Variants in ATP7A observed in about 807,000 individuals in gnomAD.
ATP7A encodes the protein copper-transporting ATPase 1.
A neutral mutation model predicts 83.5 loss-of-function variants in ATP7A; 7 were observed. That is an observed-to-expected ratio of 0.08 (90% CI 0.05 to 0.16). The LOEUF (loss-of-function observed/expected upper bound fraction) is 0.16. ATP7A is among the 10% of genes least tolerant of loss of function. The probability of loss-of-function intolerance (pLI) is 1.00; values close to 1 mark genes in which losing one functional copy is unlikely to be tolerated. For missense variants in ATP7A, 940 were observed against 1,120.8 expected (o/e 0.84, Z 2.30); for synonymous variants, 354 against 395.2 (o/e 0.90, Z 1.24).
chrX:78,011,325 T>C, intron 8 of ATP7A, 73 bp downstream of exon 8: 1 of 1,091,077 alleles, frequency 9.2e-7, no homozygotes, highest in Non-Finnish European at 1.3e-6. Flanking sequence ...CATGTCAGTT[T>C]TTATAATATC....
rs781917431 is a variant in ATP7A, at chrX:77,925,215, A to G, written c.-22+14380A>G. Among the ~76,000 whole-genome samples, 3 of 112,284 alleles carry G rather than the reference A, an allele frequency of 2.7e-5. No homozygotes were observed. In the South Asian group the frequency reaches 1.1e-3, roughly 41 times the overall value. On this transcript the variant is annotated intron_variant, in intron 1 of 22. Coordinates refer to ENST00000341514, the MANE Select transcript of ATP7A (RefSeq NM_000052.7). ...TACTACTTTATAATCATACCATATA[A>G]ATATTTCAGCTATAAAAATTAATGC...
chrX:77,946,454 T>C (rs1421100178), intron 1 of ATP7A, among the ~76,000 whole-genome samples: 11 of 111,045 alleles, frequency 9.9e-5, no homozygotes, highest in Admixed American at 2.9e-4. Flanking sequence ...CCTATTAAGC[T>C]GATTGTTCAT....
chrX:77,931,566 C>A (rs1266320299), intron 1 of ATP7A, among the ~76,000 whole-genome samples: 20 of 112,207 alleles, frequency 1.8e-4, no homozygotes, highest in African/African-American at 6.1e-4. Flanking sequence ...GGCAGAGGGG[C>A]TCCTCACATC....
chrX:77,968,871 C>T, intron 1 of ATP7A: 4 of 1,210,528 alleles, frequency 3.3e-6, no homozygotes, highest in Non-Finnish European at 4.5e-6. Flanking sequence ...TCCCCGCTGG[C>T]CTTCACTTCT....
At chrX:78,038,531 G>C (rs1557237957) in intron 17 of ATP7A, among the ~76,000 whole-genome samples, 1 of 111,651 alleles carries the variant, frequency 9.0e-6, no homozygotes, top group Non-Finnish European at 1.9e-5. Flanking sequence ...TTTTATGGAA[G>C]GTCAAAGGGA....
At position 78,020,692 on chromosome X, in the gene ATP7A, A is replaced by T. The variant is rs781872897; in HGVS notation, c.2782-253A>T. Among the ~76,000 whole-genome samples, 47 of 108,361 alleles carry T rather than the reference A, an allele frequency of 4.3e-4. No individual in the cohort carries two copies. Among genetic ancestry groups the T allele is most frequent in the African/African-American group, 1.0e-3 (30 of 29,132 alleles). 94.1% of individuals were successfully genotyped at this position (108,361 alleles called of 115,157 possible). On this transcript the variant is annotated intron_variant, in intron 13 of 22. Transcript: ENST00000341514. ...CCACCACACCCAGCTAATTAAAAAA[A>T]TTTTTTTTTATAGAAACAGGGTCTC...
chrX:77,969,176 T>C, intron 1 of ATP7A: 6 of 1,211,616 alleles, frequency 5.0e-6, no homozygotes, highest in Non-Finnish European at 6.7e-6. Context: ...TCCTTCGGAC[T>C]CTCATAGGAG....
intron 17 of ATP7A, among the ~76,000 whole-genome samples, chrX:78,035,140 A>T (rs1289280807): frequency 9.0e-6 from 1 of 111,329 alleles, no homozygotes; most frequent in South Asian, 3.8e-4. Flanking sequence ...TCATTTTATA[A>T]TACATACTCT....
chrX:77,988,122 T>C, intron 2 of ATP7A, 120 bp from the exon 3 acceptor site: 1 of 801,251 alleles, frequency 1.2e-6, no homozygotes. Context: ...TGAAAACTAA[T>C]AGGGAAACTC....
rs781790080 is a variant in ATP7A, at chrX:77,969,572, T to G, written c.-21-2049T>G. 3.3e-6 allele frequency: 4 copies of G among 1,210,555 alleles called. No homozygotes were observed. In the Admixed American group the frequency reaches 6.5e-5, roughly 20 times the overall value. ...CTCAGATCGGCGTCGTACCAGCAGC[T>G]GAAGCGGTTCTCCAGGTTCCATGTG... On this transcript the variant is annotated intron_variant, in intron 1 of 22. Transcript: ENST00000341514.
chrX:77,993,816 G>A (rs2077683474), intron 4 of ATP7A, among the ~76,000 whole-genome samples: 1 of 111,352 alleles, frequency 9.0e-6, no homozygotes, highest in Non-Finnish European at 1.9e-5. Flanking sequence ...TTCACACAAT[G>A]ATGAAATTGC....
chrX:77,970,010 G>A (rs1321944783), intron 1 of ATP7A, among the ~76,000 whole-genome samples: 2 of 111,886 alleles, frequency 1.8e-5, no homozygotes, highest in East Asian at 5.6e-4. Context: ...CAGCTTAGAT[G>A]GGTAGTTCTG....
chrX:77,932,759 G>C (rs1557224668), intron 1 of ATP7A, among the ~76,000 whole-genome samples: 3 of 112,792 alleles, frequency 2.7e-5, no homozygotes. Flanking sequence ...ATGAAAACCA[G>C]TCAGGTGTGG....
rs1173966896 is a variant in ATP7A, at chrX:78,046,931, G to C, written c.*361G>C. On this transcript the variant is annotated 3_prime_UTR_variant, in exon 23 of 23. Transcript: ENST00000341514. ...AGAAGAAGAAAATGAAAAATTTGAAGATTTGAGAGCATGAAGATATTCATG... is the reference window on the plus strand; with the variant it reads ...AGAAGAAGAAAATGAAAAATTTGAACATTTGAGAGCATGAAGATATTCATG... The C allele has an allele frequency of 5.6e-6, 1 of 177,490 alleles. No homozygotes were observed. 14.6% of individuals were successfully genotyped at this position (177,490 alleles called of 1,213,427 possible). A position where few individuals can be genotyped will look rare whatever the true frequency, so the allele number is the denominator to read the frequency against.
At chrX:78,005,127 G>T (rs782806792) in intron 6 of ATP7A, among the ~76,000 whole-genome samples, 3 of 110,759 alleles carry the variant, frequency 2.7e-5, no homozygotes, top group African/African-American at 9.8e-5. Context: ...ATTACTAGAA[G>T]AAATATTTGG....
chrX:78,010,527 T>C, intron 7 of ATP7A, among the ~76,000 whole-genome samples: 1 of 108,600 alleles, frequency 9.2e-6, no homozygotes, highest in Non-Finnish European at 1.9e-5. Context: ...GACTAAATAC[T>C]GCATATGCAA....
At chrX:77,948,096 T>TATTTATTTATTC (rs2077392586) in intron 1 of ATP7A, among the ~76,000 whole-genome samples, 1 of 96,444 alleles carries the variant, frequency 1.0e-5, no homozygotes, top group Non-Finnish European at 2.0e-5. Context: ...TTTATTTATT[T>TATTTATTTATTC]ATTTATTCAT....
intron 1 of ATP7A, among the ~76,000 whole-genome samples, chrX:77,928,230 A>C (rs782615501): frequency 9.0e-6 from 1 of 111,473 alleles, no homozygotes; most frequent in South Asian, 3.8e-4. Context: ...GAAACTCTGT[A>C]GGGATTGGTG....
chrX:78,019,838 A>G (rs781789872), intron 12 of ATP7A, among the ~76,000 whole-genome samples: 2 of 110,630 alleles, frequency 1.8e-5, no homozygotes, highest in South Asian at 7.9e-4. Flanking sequence ...GGACTCTCTT[A>G]CATACTGTAG....
Sources: gnomAD v4.1 joint callset for allele counts (sites outside exome capture counted in the v4.1 genomes callset) on GRCh38, gnomAD v4.1.1 for gene constraint, MANE v1.5 for transcripts, NCBI Gene and HGNC (gene_info 2026-07-23, HGNC 2026-07-21) for gene names.